Variants in RNASET2 observed in about 807,000 individuals in gnomAD.
The protein encoded by RNASET2 is ribonuclease 6.
In RNASET2, 28 loss-of-function variants were observed where a neutral mutation model predicts 33.9. The observed-to-expected ratio is 0.83, with a 90% confidence interval of 0.61 to 1.13. RNASET2 has a LOEUF of 1.13. Among genes scored for constraint, RNASET2 ranks in the 50% most tolerant of loss-of-function variants. The probability of loss-of-function intolerance (pLI) is 0.00; values close to 1 mark genes in which losing one functional copy is unlikely to be tolerated. For synonymous variants in RNASET2, 123 were observed against 121.0 expected (o/e 1.02, Z -0.11); for missense variants, 330 against 319.9 (o/e 1.03, Z -0.24).
At chr6:166,930,997 A>C (rs780357449) in intron 8 of RNASET2, 47 bp downstream of exon 8, 3 of 1,314,148 alleles carry the variant, frequency 2.3e-6, no homozygotes, top group Non-Finnish European at 3.3e-6. Flanking sequence ...GAAAAGTAGA[A>C]CCTGTCTTCT....
intron 4 of RNASET2, among the ~76,000 whole-genome samples, chr6:166,946,214 G>C (rs1442888361): frequency 6.6e-6 from 1 of 152,246 alleles, no homozygotes. Context: ...ATGTCCACCT[G>C]CTCAGAAACC....
intron 4 of RNASET2, among the ~76,000 whole-genome samples, chr6:166,944,954 C>T (rs1778794014): frequency 6.7e-6 from 1 of 149,106 alleles, no homozygotes; most frequent in Admixed American, 6.6e-5. Flanking sequence ...ACCTGTCAGC[C>T]CTGCCCTCAC....
chr6:166,928,248 G>A lies in RNASET2; in HGVS notation c.*1340C>T, dbSNP rs914410272. ...GCCTGCGGGGGACGCAGAGGCCACT[G>A]AGTCTAGGATCAGGACTGCGACACC... On this transcript the variant is annotated 3_prime_UTR_variant, in exon 9 of 9. Coordinates refer to ENST00000508775, the MANE Select transcript of RNASET2 (RefSeq NM_003730.6). Among the ~76,000 whole-genome samples, 11 of 152,204 alleles carry A rather than the reference G, an allele frequency of 7.2e-5. No homozygotes were observed. The highest frequency in any genetic ancestry group is 2.0e-4 in the Admixed American group (3 of 15,286).
At chr6:166,930,748 A>G (rs374046120) in intron 8 of RNASET2, among the ~76,000 whole-genome samples, 5,935 of 149,494 alleles carry the variant, frequency 0.04, 225 homozygotes, top group African/African-American at 0.1. Context: ...TAATGTACAC[A>G]CATGCACACA....
chr6:166,925,333 C>T lies in RNASET2; in HGVS notation c.*4255G>A, dbSNP rs1278272107. ...GCCATCTAGCCCTCACTCAAGCCACCCAGCTCTCACTTCCTCCATCCAGGC... is the reference window on the plus strand; with the variant it reads ...GCCATCTAGCCCTCACTCAAGCCACTCAGCTCTCACTTCCTCCATCCAGGC... On this transcript the variant is annotated 3_prime_UTR_variant, in exon 9 of 9. Coordinates refer to ENST00000508775, the MANE Select transcript of RNASET2 (RefSeq NM_003730.6). Among the ~76,000 whole-genome samples, 1 of 151,926 alleles carries T rather than the reference C, an allele frequency of 6.6e-6. No individual in the cohort carries two copies. Among genetic ancestry groups the T allele is most frequent in the African/African-American group, 2.4e-5 (1 of 41,340 alleles).
intron 8 of RNASET2, among the ~76,000 whole-genome samples, chr6:166,930,627 A>G (rs1348246576): frequency 4.7e-5 from 7 of 148,000 alleles, no homozygotes; most frequent in African/African-American, 1.8e-4. Context: ...CACACAGCAC[A>G]TGCCCACATA....
chr6:166,951,144 G>C (rs1778975161), intron 2 of RNASET2, among the ~76,000 whole-genome samples: 1 of 152,240 alleles, frequency 6.6e-6, no homozygotes, highest in Non-Finnish European at 1.5e-5. Context: ...ACTGGACAGA[G>C]GGCCCTTCCC....
intron 5 of RNASET2, among the ~76,000 whole-genome samples, chr6:166,942,783 A>G (rs1778722201): frequency 6.6e-6 from 1 of 152,232 alleles, no homozygotes; most frequent in Non-Finnish European, 1.5e-5. Context: ...CATACAGGTT[A>G]GAAAACAGGC....
chr6:166,934,063 C>A (rs201087711), intron 7 of RNASET2, 28 bp downstream of exon 7: 35 of 1,587,828 alleles, frequency 2.2e-5, no homozygotes, highest in Admixed American at 3.3e-5. Flanking sequence ...GAGAGACACA[C>A]GAGAAAAGAA....
intron 5 of RNASET2, among the ~76,000 whole-genome samples, chr6:166,939,824 G>T (rs1308811517): frequency 6.6e-6 from 1 of 152,196 alleles, no homozygotes; most frequent in African/African-American, 2.4e-5. Flanking sequence ...TAACTAAAGG[G>T]CTGCACGTGA....
intron 7 of RNASET2, chr6:166,931,327 C>T (rs919448904): frequency 6.7e-6 from 4 of 598,556 alleles, no homozygotes; most frequent in Admixed American, 2.9e-5. Context: ...GACCACAAGC[C>T]GCTCGCTGCG....
Position 166,933,985 on chromosome 6 carries a change from G to T in RNASET2, c.492+106C>A. ...CATGATAACATTTAAGTAGGAAGGG[G>T]GTTTGCACTGGGGCAATTTACAGCC... On this transcript the variant is annotated intron_variant, in intron 7 of 8. Coordinates refer to ENST00000508775, the MANE Select transcript of RNASET2 (RefSeq NM_003730.6). The surrounding 1 kb of genome is among the most constrained non-coding windows in gnomAD (Gnocchi z 4.1). The T allele has an allele frequency of 2.5e-6, 2 of 814,330 alleles. No individual in the cohort carries two copies. The highest frequency in any genetic ancestry group is 4.4e-6 in the Non-Finnish European group (2 of 450,554). The allele number at this position is 814,330 out of a possible 1,614,324, so 50.4% of individuals were successfully genotyped here.
intron 6 of RNASET2, 81 bp from the exon 7 acceptor site, chr6:166,934,217 TG>T: frequency 1.1e-6 from 1 of 933,920 alleles, no homozygotes. Context: ...TCATATTTCA[TG>T]GTAAAAATTA....
At position 166,946,372 on chromosome 6, in the gene RNASET2, C is replaced by T. The variant is rs530946361; in HGVS notation, c.261+310G>A. ...CCTGGGACGAGGCGGGGCTGGCGGG[C>T]GAGCGTCAGGATCTGCACAGGTCTG... On this transcript the variant is annotated intron_variant, in intron 4 of 8. Transcript: ENST00000508775. 2.6e-5 allele frequency among the ~76,000 whole-genome samples: 4 copies of T among 152,266 alleles called. No homozygotes were observed. In the South Asian group the frequency reaches 6.2e-4, roughly 24 times the overall value.
chr6:166,955,200 C>G (rs1779083767), intron 1 of RNASET2, among the ~76,000 whole-genome samples: 1 of 133,076 alleles, frequency 7.5e-6, no homozygotes, highest in Non-Finnish European at 1.6e-5. Context: ...CACACACGCA[C>G]GCACACACGC....
At chr6:166,945,843 AAAAAG>A (rs111595265) in intron 4 of RNASET2, among the ~76,000 whole-genome samples, 6 of 146,260 alleles carry the variant, frequency 4.1e-5, no homozygotes, top group East Asian at 2.0e-4. Context: ...AAAAAAAAAA[AAAAAG>A]AAAAGAAAAG....
chr6:166,935,045 C>T (rs1778533044), intron 6 of RNASET2: 1 of 152,122 alleles, frequency 6.6e-6, no homozygotes, highest in African/African-American at 2.4e-5. Flanking sequence ...ACTTAGACAT[C>T]CTCTGTGGGC....
At chr6:166,952,624 C>CAT in intron 1 of RNASET2, 76 bp from the exon 2 acceptor site, 2 of 1,112,338 alleles carry the variant, frequency 1.8e-6, no homozygotes, top group African/African-American at 1.5e-5. Context: ...CCCATCCATC[C>CAT]CTTCAATCAT....
intron 3 of RNASET2, 87 bp from the exon 4 acceptor site, chr6:166,946,826 G>A (rs2128646395): frequency 1.3e-6 from 1 of 773,024 alleles, no homozygotes; most frequent in Non-Finnish European, 2.3e-6. Flanking sequence ...CACTTTCATT[G>A]AAGTCTGCAA....
Sources: allele counts gnomAD v4.1 joint callset (sites outside exome capture counted in the v4.1 genomes callset), GRCh38; gene constraint gnomAD v4.1.1; non-coding constraint Gnocchi (gnomAD v3.1); transcripts MANE v1.5; gene names NCBI Gene and HGNC (gene_info 2026-07-23, HGNC 2026-07-21).